LHX9: variants seen among roughly 807,000 people sequenced by gnomAD.
The protein encoded by LHX9 is LIM/homeobox protein Lhx9.
Under a neutral mutation model 36.5 loss-of-function variants are expected in LHX9, and 9 were observed. The observed-to-expected ratio is 0.25, with a 90% CI of 0.15 to 0.43. The LOEUF (loss-of-function observed/expected upper bound fraction) is 0.43. LHX9 is among the 20% of genes least tolerant of loss of function. The probability of loss-of-function intolerance (pLI) is 1.00; values close to 1 mark genes in which losing one functional copy is unlikely to be tolerated. For missense variants in LHX9, 464 were observed against 526.4 expected, an observed-to-expected ratio of 0.88 and a Z score of 1.16; for synonymous variants, 211 against 212.1, an observed-to-expected ratio of 0.99 and a Z score of 0.04.
chr1:197,930,705 C>T lies in LHX9; in HGVS notation c.*1446C>T, dbSNP rs1010644966. ...TTACATATTGACAGTTCACTGCCCA[C>T]ATTAAAGTGCATTATTGTAACTTTT... On this transcript the variant is annotated 3_prime_UTR_variant, in exon 5 of 5. Coordinates refer to ENST00000367387, the MANE Select transcript of LHX9 (RefSeq NM_020204.3). The T allele has an allele frequency of 6.6e-6, 1 of 151,886 alleles. No homozygotes were observed. The highest frequency in any genetic ancestry group is 1.5e-5 in the Non-Finnish European group (1 of 67,852). 9.4% of individuals were successfully genotyped at this position (151,886 alleles called of 1,614,324 possible).
Position 197,921,975 on chromosome 1 carries a change from T to C in LHX9, c.733+316T>C, listed in dbSNP as rs975429827. ...AGCCCATTAGTTTCTGGCTCTCAGTTGGAGCAAAACAGCCCCAGGGCAATT... is the reference window on the plus strand; with the variant it reads ...AGCCCATTAGTTTCTGGCTCTCAGTCGGAGCAAAACAGCCCCAGGGCAATT... On this transcript the variant is annotated intron_variant, in intron 3 of 4. Transcript: ENST00000367387. The surrounding 1 kb of genome is among the most constrained non-coding windows in gnomAD (Gnocchi z 4.6). 2.6e-5 allele frequency among the ~76,000 whole-genome samples: 4 copies of C among 152,036 alleles called. No homozygotes were observed. The highest frequency in any genetic ancestry group is 9.7e-5 in the African/African-American group (4 of 41,392).
upstream of LHX9, chr1:197,916,064 C>G (rs1294446159): frequency 6.6e-6 from 1 of 152,400 alleles, no homozygotes; most frequent in African/African-American, 2.4e-5. Context: ...CGCAGGCTGA[C>G]GAAGGGGACG....
chr1:197,925,781 C>T (rs1660125184), intron 3 of LHX9, among the ~76,000 whole-genome samples: 1 of 152,174 alleles, frequency 6.6e-6, no homozygotes, highest in African/African-American at 2.4e-5. Context: ...CTATGTTTTA[C>T]ATTCGAATGT....
At chr1:197,915,190 GT>G (rs1264497198), upstream of LHX9, among the ~76,000 whole-genome samples, 5 of 152,204 alleles carry the variant, frequency 3.3e-5, no homozygotes, top group African/African-American at 1.2e-4. Flanking sequence ...GTTGGGAGAG[GT>G]TTTAGCACAG....
chr1:197,921,432 C>A lies in LHX9; in HGVS notation c.506C>A (p.Thr169Asn). The change falls in exon 3 of 5, where the codon ACC (threonine) becomes AAC (asparagine). Residue 169 changes from threonine (T) to asparagine (N), a missense_variant. Thr to Asn is a moderately conservative substitution (Grantham distance 65). Around this residue, in one of 5 missense-constraint regions of LHX9, gnomAD observed 93 missense variants for 150.3 expected, o/e 0.62. Transcript: ENST00000367387. This position sits in a 1 kb window ranked among gnomAD's most constrained non-coding sequence, Gnocchi z 4.6. ...TGCTCCACTTGCAACAAGACTCTGA[C>A]CACGGGCGACCATTTCGGCATGAAG... ...FTCSTCNKTL[T>N]TGDHFGMKDS... 1.2e-6 allele frequency: 2 copies of A among 1,614,244 alleles called. No homozygotes were observed. The highest frequency in any genetic ancestry group is 2.7e-5 in the African/African-American group (2 of 75,066).
intron 4 of LHX9, 32 bp from the exon 5 acceptor site, chr1:197,928,970 C>A: frequency 6.7e-7 from 1 of 1,492,552 alleles, no homozygotes; most frequent in Non-Finnish European, 9.0e-7. Flanking sequence ...AAATGAACAT[C>A]GGTAAAGAAA....
Position 197,917,601 on chromosome 1 carries a change from A to C in LHX9, c.-223A>C, listed in dbSNP as rs1019062677. 1 of 1,510,438 alleles carries C rather than the reference A, an allele frequency of 6.6e-7. No individual in the cohort carries two copies. The highest frequency in any genetic ancestry group is 8.9e-7 in the Non-Finnish European group (1 of 1,127,056). The allele number at this position is 1,510,438 out of a possible 1,614,324, so 93.6% of individuals were successfully genotyped here. ...CGCCCGAATTGTTTGTTTTCTGCAC[A>C]TCTCCTTCAGGGAGCCGCTGAGGCT... On this transcript the variant is annotated 5_prime_UTR_variant, in exon 1 of 5. Coordinates refer to ENST00000367387, the MANE Select transcript of LHX9 (RefSeq NM_020204.3).
At chr1:197,917,066 T>G (rs1251977380), upstream of LHX9, among the ~76,000 whole-genome samples, 3 of 151,862 alleles carry the variant, frequency 2.0e-5, no homozygotes, top group Non-Finnish European at 2.9e-5. Flanking sequence ...CTTTAAAACA[T>G]GACTGCTGGG....
In LHX9 at chr1:197,933,645, T is replaced by G. The variant is rs1382132941; in HGVS notation, c.*4386T>G. Reference sequence around the variant, plus strand: ...GACCTTTAAATATTTGTCTGGTATGTGAAATGCAGGAAGAGACCAGAGAGG... The same window carrying G: ...GACCTTTAAATATTTGTCTGGTATGGGAAATGCAGGAAGAGACCAGAGAGG... On this transcript the variant is annotated 3_prime_UTR_variant, in exon 5 of 5. Coordinates refer to ENST00000367387, the MANE Select transcript of LHX9 (RefSeq NM_020204.3). 4 of 149,420 alleles carry G rather than the reference T, an allele frequency of 2.7e-5. No individual in the cohort carries two copies. The highest frequency in any genetic ancestry group is 7.4e-5 in the African/African-American group (3 of 40,284). 9.3% of individuals were successfully genotyped at this position (149,420 alleles called of 1,614,324 possible). A position where few individuals can be genotyped will look rare whatever the true frequency, so the allele number is the denominator to read the frequency against.
At chr1:197,913,404 C>T (rs77639240), upstream of LHX9, among the ~76,000 whole-genome samples, 5,381 of 152,246 alleles carry the variant, frequency 0.035, 134 homozygotes, top group South Asian at 0.11. Flanking sequence ...CCCAGCTCTG[C>T]TTGGCTGACT....
chr1:197,918,120 C>T (rs1659836107), intron 1 of LHX9, 123 bp downstream of exon 1: 1 of 1,099,142 alleles, frequency 9.1e-7, no homozygotes, highest in Non-Finnish European at 1.3e-6. Context: ...TTGAGGGTGG[C>T]GGGTGAGTTT....
chr1:197,920,997 G>T (rs1343780919), intron 2 of LHX9, among the ~76,000 whole-genome samples: 1 of 151,996 alleles, frequency 6.6e-6, no homozygotes, highest in African/African-American at 2.4e-5. Context: ...TTCTAGTACC[G>T]TGAGTTAGCT....
In LHX9 at chr1:197,931,406, ATATT is replaced by A. The variant is rs1472189757; in HGVS notation, c.*2151_*2154del. The A allele has an allele frequency of 6.6e-6, 1 of 152,124 alleles. No homozygotes were observed. Among genetic ancestry groups the A allele is most frequent in the Non-Finnish European group, 1.5e-5 (1 of 67,948 alleles). The allele number at this position is 152,124 out of a possible 1,614,324, so 9.4% of individuals were successfully genotyped here. A position where few individuals can be genotyped will look rare whatever the true frequency, so the allele number is the denominator to read the frequency against. On this transcript the variant is annotated 3_prime_UTR_variant, in exon 5 of 5. Coordinates refer to ENST00000367387, the MANE Select transcript of LHX9 (RefSeq NM_020204.3). ...ATTGTATAGAAACTATTTCCCCTAA[ATATT>A]TATGGACCAAACAATTGTGATATAT... is the stretch of plus-strand genomic sequence containing the variant.
chr1:197,912,613 T>C (rs2102586705), upstream of LHX9: 2 of 1,562,706 alleles, frequency 1.3e-6, no homozygotes, highest in Middle Eastern at 3.4e-4. Flanking sequence ...GGCCAGTGCG[T>C]ATACCATGTG....
chr1:197,921,714 G>C lies in LHX9; in HGVS notation c.733+55G>C. Reference sequence around the variant, plus strand: ...GCCCCGGCCTCCCTGAGGAAAATTCGTAGAGCTCCTTCCCCGTCCAAAGTC... The same window carrying C: ...GCCCCGGCCTCCCTGAGGAAAATTCCTAGAGCTCCTTCCCCGTCCAAAGTC... On this transcript the variant is annotated intron_variant, in intron 3 of 4. Transcript: ENST00000367387. This position sits in a 1 kb window ranked among gnomAD's most constrained non-coding sequence, Gnocchi z 4.6. 7.2e-7 allele frequency: 1 copy of C among 1,397,338 alleles called. No individual in the cohort carries two copies. The highest frequency in any genetic ancestry group is 9.6e-7 in the Non-Finnish European group (1 of 1,041,938). The allele number at this position is 1,397,338 out of a possible 1,614,324, so 86.6% of individuals were successfully genotyped here.
rs763217313 is a variant in LHX9 at position 197,920,187 on chromosome 1, A to G, written c.377+13A>G. 3 of 1,612,344 alleles carry G rather than the reference A, an allele frequency of 1.9e-6. No individual in the cohort carries two copies. The South Asian group carries it at 3.3e-5, about 18-fold the overall frequency. ...AGGATTACTACAGGTACTCCCCTAC[A>G]CCCCCACTTCCTACGCCCGAGTACA... On this transcript the variant is annotated intron_variant, in intron 2 of 4. Transcript: ENST00000367387.
In LHX9 at chr1:197,927,622, C is replaced by T. The variant is rs1172880932; in HGVS notation, c.765C>T (p.Asp255=). The change falls in exon 4 of 5, where the codon GAC becomes GAT. Residue 255 remains aspartate, a synonymous_variant. Coordinates refer to ENST00000367387, the MANE Select transcript of LHX9 (RefSeq NM_020204.3). The part of the protein sequence containing the change: ...GCNENEADHL[D]RDQQPYPPSQ... ...ATGAGAATGAGGCAGACCACTTGGA[C>T]CGGGACCAGCAGCCTTATCCACCCT... is the stretch of plus-strand genomic sequence containing the variant. 1 of 1,614,156 alleles carries T rather than the reference C, an allele frequency of 6.2e-7. No homozygotes were observed. Among genetic ancestry groups the T allele is most frequent in the Non-Finnish European group, 8.5e-7 (1 of 1,180,026 alleles).
At chr1:197,918,030 G>C (rs762754035) in intron 1 of LHX9, 33 bp downstream of exon 1, 2 of 1,595,502 alleles carry the variant, frequency 1.3e-6, no homozygotes, top group East Asian at 2.2e-5. Context: ...CGGTAGCCGG[G>C]CACCCCTGCG....
rs538711167 is a variant in LHX9, at chr1:197,920,476, C to G, written c.377+302C>G. Among the ~76,000 whole-genome samples the G allele has an allele frequency of 2.0e-4, 30 of 152,278 alleles. No homozygotes were observed. In the South Asian group the frequency reaches 6.2e-3, roughly 32 times the overall value. ...CTGGGGAAGAGTAAATGGACGTGGT[C>G]TCCGTCTACCGAGACTTGATTGGGT... On this transcript the variant is annotated intron_variant, in intron 2 of 4. Transcript: ENST00000367387.
Sources: allele counts gnomAD v4.1 joint callset (sites outside exome capture counted in the v4.1 genomes callset), GRCh38; gene constraint gnomAD v4.1.1; regional missense constraint gnomAD v4.1.1; non-coding constraint Gnocchi (gnomAD v3.1); transcripts MANE v1.5; gene names NCBI Gene and HGNC (gene_info 2026-07-23, HGNC 2026-07-21).